The following LHFPL3 variants were observed in gnomAD, a reference collection of about 807,000 sequenced individuals.
The protein encoded by LHFPL3 is LHFPL tetraspan subfamily member 3, also known as LHFPL tetraspan subfamily member 3 protein.
LHFPL3 carries 5 observed loss-of-function variants against 19.3 expected under a neutral mutation model. That is an observed-to-expected ratio of 0.26 (90% CI 0.14 to 0.54). The LOEUF is 0.54. Ranked by LOEUF, LHFPL3 falls within the 20% of genes least tolerant of loss-of-function variation. The pLI is 0.94. For missense variants in LHFPL3, 249 were observed against 307.4 expected (o/e 0.81, Z 1.42); for synonymous variants, 133 against 126.2 (o/e 1.05, Z -0.36).
intron 1 of LHFPL3, among the ~76,000 whole-genome samples, chr7:104,539,989 A>G (rs1044790515): frequency 1.3e-5 from 2 of 152,166 alleles, no homozygotes; most frequent in Non-Finnish European, 2.9e-5. Context: ...AGAGTGTTAT[A>G]GGAATGGGGA....
Position 104,408,864 on chromosome 7 carries a change from C to CTTTTTTTTTTTTTTTT in LHFPL3, c.445+79643_445+79658dup. ...AGGCACTAGTGTTGTAATTTTCTTT[C>CTTTTTTTTTTTTTTTT]TTTTTTTTTTTTTTTTTTGAGACGG... On this transcript the variant is annotated intron_variant, in intron 1 of 2. Transcript: ENST00000424859. 3.8e-3 allele frequency among the ~76,000 whole-genome samples: 405 copies of CTTTTTTTTTTTTTTTT among 105,410 alleles called. 34 individuals carry two copies. The highest frequency in any genetic ancestry group is 6.6e-3 in the African/African-American group (176 of 26,690). 69.2% of individuals were successfully genotyped at this position (105,410 alleles called of 152,430 possible). A position where few individuals can be genotyped will look rare whatever the true frequency, so the allele number is the denominator to read the frequency against.
At chr7:104,893,457 G>A (rs1792292352) in intron 2 of LHFPL3, among the ~76,000 whole-genome samples, 1 of 151,932 alleles carries the variant, frequency 6.6e-6, no homozygotes, top group Admixed American at 6.6e-5. Flanking sequence ...AGGAGGTGGA[G>A]GTTGCAGTGA....
At chr7:104,801,125 C>A (rs1255484360) in intron 2 of LHFPL3, among the ~76,000 whole-genome samples, 1 of 152,188 alleles carries the variant, frequency 6.6e-6, no homozygotes, top group African/African-American at 2.4e-5. Context: ...CAGCCATAGT[C>A]TAGAAGAGAC....
intron 1 of LHFPL3, among the ~76,000 whole-genome samples, chr7:104,597,233 A>T (rs1356980007): frequency 6.6e-6 from 1 of 152,240 alleles, no homozygotes; most frequent in African/African-American, 2.4e-5. Flanking sequence ...CTTTTTTGGA[A>T]TAAATGTTCT....
chr7:104,504,533 G>A (rs1436209826), intron 1 of LHFPL3, among the ~76,000 whole-genome samples: 1 of 152,186 alleles, frequency 6.6e-6, no homozygotes, highest in Non-Finnish European at 1.5e-5. Flanking sequence ...GATGTTAAAA[G>A]CAATAGCAAT....
At chr7:104,346,722 G>C (rs1319158104) in intron 1 of LHFPL3, among the ~76,000 whole-genome samples, 1 of 151,904 alleles carries the variant, frequency 6.6e-6, no homozygotes, top group Non-Finnish European at 1.5e-5. Context: ...TAGAAATACT[G>C]TAATTGGATT....
At chr7:104,669,471 G>T in intron 1 of LHFPL3, 1 of 1,612,586 alleles carries the variant, frequency 6.2e-7, no homozygotes. Context: ...CTGAGCCAAA[G>T]AAACCTGAGG....
intron 2 of LHFPL3, among the ~76,000 whole-genome samples, chr7:104,764,820 C>G (rs1047256595): frequency 6.6e-6 from 1 of 152,180 alleles, no homozygotes; most frequent in Non-Finnish European, 1.5e-5. Flanking sequence ...TTTATATCTT[C>G]TATCTCATTT....
At chr7:104,888,574 G>A (rs903999753) in intron 2 of LHFPL3, among the ~76,000 whole-genome samples, 3 of 152,308 alleles carry the variant, frequency 2.0e-5, no homozygotes, top group Admixed American at 2.0e-4. Context: ...ACAGCAAAGA[G>A]ATCTTGAAGT....
At chr7:104,571,868 G>A (rs918471089) in intron 1 of LHFPL3, among the ~76,000 whole-genome samples, 1 of 152,124 alleles carries the variant, frequency 6.6e-6, no homozygotes, top group Non-Finnish European at 1.5e-5. Flanking sequence ...TTCTCTGGAT[G>A]CATTCTATTT....
intron 1 of LHFPL3, among the ~76,000 whole-genome samples, chr7:104,373,176 C>G (rs1790646613): frequency 6.6e-6 from 1 of 152,116 alleles, no homozygotes; most frequent in East Asian, 1.9e-4. Context: ...ACCTTTCTCC[C>G]CTGTGACATC....
chr7:104,776,980 C>G (rs1289852129), intron 2 of LHFPL3, among the ~76,000 whole-genome samples: 1 of 152,208 alleles, frequency 6.6e-6, no homozygotes, highest in Non-Finnish European at 1.5e-5. Context: ...CTGAGACCAG[C>G]TCACTCAAAA....
intron 1 of LHFPL3, among the ~76,000 whole-genome samples, chr7:104,485,509 T>C (rs1339932774): frequency 6.6e-6 from 1 of 152,196 alleles, no homozygotes; most frequent in Non-Finnish European, 1.5e-5. Flanking sequence ...CCTTTTATCA[T>C]CTTTATCATC....
At chr7:104,608,018 A>G (rs928728197) in intron 1 of LHFPL3, among the ~76,000 whole-genome samples, 3 of 152,224 alleles carry the variant, frequency 2.0e-5, no homozygotes, top group African/African-American at 7.2e-5. Context: ...GAGGATGTGG[A>G]GAAATAGGAA....
chr7:104,332,299 G>A lies in LHFPL3; in HGVS notation c.445+3075G>A, dbSNP rs556357861. The stretch of plus-strand genomic sequence containing the variant: ...GGCTGGAGTGCAGTGGTGTGATCTC[G>A]GCTCACTGAAACCTCTACCTCCTGA... On this transcript the variant is annotated intron_variant, in intron 1 of 2. Coordinates refer to ENST00000424859, the MANE Select transcript of LHFPL3 (RefSeq NM_199000.3). 3.9e-5 allele frequency among the ~76,000 whole-genome samples: 5 copies of A among 129,558 alleles called. No individual in the cohort carries two copies. The East Asian group carries it at 9.8e-4, about 25-fold the overall frequency. 85.0% of individuals were successfully genotyped at this position (129,558 alleles called of 152,430 possible).
intron 1 of LHFPL3, among the ~76,000 whole-genome samples, chr7:104,396,647 A>T (rs1406454509): frequency 1.5e-4 from 23 of 151,554 alleles, no homozygotes; most frequent in Non-Finnish European, 3.2e-4. Context: ...AATTAGAAAA[A>T]AAAAAAAAAA....
At chr7:104,761,975 T>C (rs80003532) in intron 2 of LHFPL3, among the ~76,000 whole-genome samples, 3,225 of 152,294 alleles carry the variant, frequency 0.021, 130 homozygotes, top group African/African-American at 0.073. Context: ...TCCTTACTTA[T>C]AGCACAGTGA....
At chr7:104,345,147 C>T (rs1790038602) in intron 1 of LHFPL3, among the ~76,000 whole-genome samples, 1 of 151,962 alleles carries the variant, frequency 6.6e-6, no homozygotes, top group East Asian at 1.9e-4. Context: ...ATATATTTTC[C>T]TAAGAATTTG....
chr7:104,395,518 C>T (rs986570377), intron 1 of LHFPL3, among the ~76,000 whole-genome samples: 1 of 152,216 alleles, frequency 6.6e-6, no homozygotes, highest in African/African-American at 2.4e-5. Flanking sequence ...TTCTCCTCCA[C>T]TCCTACCCCA....
Sources: allele counts gnomAD v4.1 joint callset (sites outside exome capture counted in the v4.1 genomes callset), GRCh38; gene constraint gnomAD v4.1.1; transcripts MANE v1.5; gene names NCBI Gene and HGNC (gene_info 2026-07-23, HGNC 2026-07-21).